Variants in BCCIP observed in about 807,000 individuals in gnomAD.
The protein encoded by BCCIP is BRCA2 and CDKN1A-interacting protein.
Under a neutral mutation model 32.8 loss-of-function variants are expected in BCCIP, and 23 were observed. The ratio of observed to expected loss-of-function variants is 0.70; its 90% CI spans 0.51 to 0.99. BCCIP has a LOEUF of 0.99. Among genes scored for constraint, BCCIP ranks in the 50% least tolerant of loss-of-function variants. The probability of loss-of-function intolerance (pLI) is 0.00; values close to 1 mark genes in which losing one functional copy is unlikely to be tolerated. For synonymous variants in BCCIP, 144 were observed against 137.6 expected (o/e 1.05, Z -0.33); for missense variants, 378 against 379.8 (o/e 1.00, Z 0.04).
intron 7 of BCCIP, among the ~76,000 whole-genome samples, chr10:125,849,760 C>G (rs370241166): frequency 6.6e-6 from 1 of 152,126 alleles, no homozygotes; most frequent in South Asian, 2.1e-4. Flanking sequence ...GTAAATGTTA[C>G]GTTAACATTT....
At position 125,835,050 on chromosome 10, in the gene BCCIP, A is replaced by G. The variant is rs991601238; in HGVS notation, c.775-1054A>G. Among the ~76,000 whole-genome samples, 32 of 147,154 alleles carry G rather than the reference A, an allele frequency of 2.2e-4. 1 individual carries two copies. Among genetic ancestry groups the G allele is most frequent in the East Asian group, 6.3e-4 (3 of 4,778 alleles). On this transcript the variant is annotated intron_variant, in intron 6 of 6. Coordinates refer to ENST00000278100, the MANE Select transcript of BCCIP (RefSeq NM_078468.3). ...CGGGAGGCTGAGGCAGGAGAATGGC[A>G]TAAACCCGGGAGGCGGAGCTTGCAG...
chr10:125,852,067 C>T (rs1944097765), intron 7 of BCCIP, among the ~76,000 whole-genome samples: 1 of 152,174 alleles, frequency 6.6e-6, no homozygotes, highest in African/African-American at 2.4e-5. Context: ...TGTCCAACAG[C>T]AGACACATTT....
At chr10:125,852,312 A>G in intron 7 of BCCIP, 1 of 1,614,158 alleles carries the variant, frequency 6.2e-7, no homozygotes. Flanking sequence ...TCATGAAGTC[A>G]CAGTGGCCTA....
In BCCIP at chr10:125,831,445, A is replaced by G; in HGVS notation, c.437A>G (p.Gln146Arg). The G allele has an allele frequency of 6.2e-7, 1 of 1,614,050 alleles. No homozygotes were observed. The change falls in exon 5 of 7, where the codon CAA becomes CGA. Residue 146 changes from glutamine to arginine, a missense_variant. Physicochemically the swap from Gln to Arg is conservative, Grantham distance 43. Transcript: ENST00000278100. ...RKGTQCVEQI[Q>R]ELVLRFCEKN... is the part of the protein sequence containing the mutation. ...GGTACCCAGTGTGTTGAACAAATTC[A>G]AGAGTTGGTTCTACGCTTCTGTGAG...
chr10:125,840,391 C>T (rs1428746556), downstream of BCCIP, among the ~76,000 whole-genome samples: 1 of 152,264 alleles, frequency 6.6e-6, no homozygotes, highest in Non-Finnish European at 1.5e-5. Flanking sequence ...CCCCTCAGCA[C>T]CCCAGCCTAC....
intron 2 of BCCIP, among the ~76,000 whole-genome samples, 168 bp from the exon 3 acceptor site, chr10:125,827,390 C>G (rs979953957): frequency 6.6e-6 from 1 of 152,002 alleles, no homozygotes; most frequent in African/African-American, 2.4e-5. Context: ...ATTTCCTAAT[C>G]TTTAGCTTCT....
At chr10:125,835,028 G>T (rs1310921017) in intron 6 of BCCIP, among the ~76,000 whole-genome samples, 1 of 149,898 alleles carries the variant, frequency 6.7e-6, no homozygotes, top group Non-Finnish European at 1.5e-5. Context: ...AGCTACTCGG[G>T]AGGCTGAGGC....
chr10:125,837,222 T>A (rs1263628641), downstream of BCCIP, among the ~76,000 whole-genome samples: 1 of 152,186 alleles, frequency 6.6e-6, no homozygotes, highest in Non-Finnish European at 1.5e-5. Flanking sequence ...CTTTGCTTCT[T>A]ATTTTAACTA....
chr10:125,843,747 C>A (rs1428217230), downstream of BCCIP, among the ~76,000 whole-genome samples: 1 of 152,222 alleles, frequency 6.6e-6, no homozygotes, highest in African/African-American at 2.4e-5. Context: ...GCCTACCACA[C>A]CTCCAGTCCT....
chr10:125,834,455 C>A lies in BCCIP; in HGVS notation c.774+509C>A, dbSNP rs535269316. 2.6e-3 allele frequency among the ~76,000 whole-genome samples: 389 copies of A among 152,162 alleles called. 1 individual carries two copies. Among genetic ancestry groups the A allele is most frequent in the African/African-American group, 9.2e-3 (382 of 41,496 alleles). On this transcript the variant is annotated intron_variant, in intron 6 of 6. Transcript: ENST00000278100. ...TTTTTTCCTATAAAGGTAGCTTGTA[C>A]TGTGATGGACAGCCATATACCAGAG...
At chr10:125,823,836 A>G in intron 1 of BCCIP, 114 bp downstream of exon 1, 2 of 1,430,662 alleles carry the variant, frequency 1.4e-6, no homozygotes, top group Non-Finnish European at 1.9e-6. Flanking sequence ...CTGTGAGGAG[A>G]AACTGGAGAT....
chr10:125,853,078 G>A, intron 7 of BCCIP: 1 of 1,360,774 alleles, frequency 7.3e-7, no homozygotes, highest in Non-Finnish European at 1.0e-6. Flanking sequence ...AATCATAACA[G>A]CTAATACAGA....
chr10:125,832,654 C>T (rs978300357), intron 5 of BCCIP, among the ~76,000 whole-genome samples: 21 of 152,092 alleles, frequency 1.4e-4, no homozygotes, highest in Admixed American at 3.3e-4. Context: ...GTGAGCCAAG[C>T]GCAGTGGTGC....
chr10:125,840,372 C>G (rs1854837739), downstream of BCCIP, among the ~76,000 whole-genome samples: 1 of 152,266 alleles, frequency 6.6e-6, no homozygotes, highest in Non-Finnish European at 1.5e-5. Flanking sequence ...GTCAGCAACT[C>G]TGCAGCCTCC....
chr10:125,836,288 G>A lies in BCCIP; in HGVS notation c.*14G>A. The A allele has an allele frequency of 6.2e-7, 1 of 1,614,088 alleles. No individual in the cohort carries two copies. The highest frequency in any genetic ancestry group is 8.5e-7 in the Non-Finnish European group (1 of 1,180,018). On this transcript the variant is annotated 3_prime_UTR_variant, in exon 7 of 7. Coordinates refer to ENST00000278100, the MANE Select transcript of BCCIP (RefSeq NM_078468.3). ...CTATCTGTCTAACCCATTTCCAATG[G>A]ACAGTGATGGGCTTGTTTTTGTAAA...
intron 4 of BCCIP, 55 bp downstream of exon 4, chr10:125,830,706 T>TA: frequency 1.0e-6 from 1 of 1,001,030 alleles, no homozygotes. Flanking sequence ...AAACCACTTT[T>TA]ATTTAATGCA....
chr10:125,841,067 G>A, downstream of BCCIP: 1 of 1,521,176 alleles, frequency 6.6e-7, no homozygotes, highest in East Asian at 2.3e-5. Flanking sequence ...ATGCAGAGGG[G>A]AGGGGTCACG....
chr10:125,824,834 A>AGG (rs1854329379), intron 1 of BCCIP, among the ~76,000 whole-genome samples: 1 of 152,264 alleles, frequency 6.6e-6, no homozygotes, highest in Non-Finnish European at 1.5e-5. Flanking sequence ...TTCACAATTG[A>AGG]GGGACGGAAA....
chr10:125,837,866 G>A (rs1241227886), downstream of BCCIP, among the ~76,000 whole-genome samples: 4 of 152,028 alleles, frequency 2.6e-5, no homozygotes, highest in South Asian at 2.1e-4. Flanking sequence ...CCTCTTCCCC[G>A]ACAGCTCCAA....
Sources: allele counts gnomAD v4.1 joint callset (sites outside exome capture counted in the v4.1 genomes callset), GRCh38; gene constraint gnomAD v4.1.1; transcripts MANE v1.5; gene names NCBI Gene and HGNC (gene_info 2026-07-23, HGNC 2026-07-21).